PI16: variants seen among roughly 807,000 people sequenced by gnomAD.
The protein encoded by PI16 is peptidase inhibitor 16.
A neutral mutation model predicts 38.0 loss-of-function variants in PI16; 35 were observed. That is an observed-to-expected ratio of 0.92 (90% CI 0.70 to 1.22). PI16 has a LOEUF of 1.22. Among genes scored for constraint, PI16 ranks in the 50% most tolerant of loss-of-function variants. The pLI is 0.00. For synonymous variants in PI16, 275 were observed against 252.9 expected (o/e 1.09, Z -0.83); for missense variants, 572 against 593.8 (o/e 0.96, Z 0.38).
intron 3 of PI16, 77 bp downstream of exon 3, chr6:36,961,637 C>T (rs1253564305): frequency 3.0e-6 from 4 of 1,355,614 alleles, no homozygotes; most frequent in Non-Finnish European, 4.2e-6. Flanking sequence ...GAGTCGGCCA[C>T]AGCCTGAGGG....
rs976357703 is a variant in PI16 at position 36,962,353 on chromosome 6, G to C, written c.592+379G>C. On this transcript the variant is annotated intron_variant, in intron 4 of 6. Coordinates refer to ENST00000373674, the MANE Select transcript of PI16 (RefSeq NM_153370.3). This position sits in a 1 kb window ranked among gnomAD's most constrained non-coding sequence, Gnocchi z 4.1. ...TTGCTGGGGGCGTGTGAGGGACCGC[G>C]ATCCCGCTGGAGAAGTCCCCTGAAA... Among the ~76,000 whole-genome samples, 1 of 152,244 alleles carries C rather than the reference G, an allele frequency of 6.6e-6. No individual in the cohort carries two copies. Among genetic ancestry groups the C allele is most frequent in the Non-Finnish European group, 1.5e-5 (1 of 68,044 alleles).
At chr6:36,961,737 C>T (rs1763371108) in intron 3 of PI16, 149 bp from the exon 4 acceptor site, 1 of 884,050 alleles carries the variant, frequency 1.1e-6, no homozygotes, top group Non-Finnish European at 1.8e-6. Context: ...CCAGAGAGGG[C>T]CAGGAGGAGC....
upstream of PI16, among the ~76,000 whole-genome samples, chr6:36,950,516 C>A (rs1010738883): frequency 6.6e-6 from 1 of 151,376 alleles, no homozygotes; most frequent in Non-Finnish European, 1.5e-5. The surrounding 1 kb of genome is among the most constrained non-coding windows in gnomAD (Gnocchi z 4.2). Context: ...CTATCAACAC[C>A]GGTGTACAAA....
intron 2 of PI16, among the ~76,000 whole-genome samples, chr6:36,959,971 A>G (rs1763314958): frequency 6.6e-6 from 1 of 152,136 alleles, no homozygotes; most frequent in Middle Eastern, 3.4e-3. Context: ...GACCATGGTT[A>G]TTGTCCTAGG....
intron 1 of PI16, among the ~76,000 whole-genome samples, chr6:36,956,892 C>T (rs1763221667): frequency 6.6e-6 from 1 of 152,162 alleles, no homozygotes; most frequent in African/African-American, 2.4e-5. Flanking sequence ...TCTCTCTCAG[C>T]CTCCAGAGCT....
chr6:36,958,767 T>C (rs1455865395), intron 1 of PI16, among the ~76,000 whole-genome samples: 1 of 152,150 alleles, frequency 6.6e-6, no homozygotes, highest in African/African-American at 2.4e-5. Context: ...CGTGATCTTG[T>C]GCTCTTCAGA....
intron 1 of PI16, among the ~76,000 whole-genome samples, chr6:36,957,800 G>C (rs1410095058): frequency 6.6e-6 from 1 of 152,206 alleles, no homozygotes; most frequent in Non-Finnish European, 1.5e-5. Flanking sequence ...TATCTGTTGA[G>C]CACCTACTAT....
Position 36,962,091 on chromosome 6 carries a change from G to C in PI16, c.592+117G>C. The C allele has an allele frequency of 1.3e-6, 1 of 780,692 alleles. No individual in the cohort carries two copies. Among genetic ancestry groups the C allele is most frequent in the Non-Finnish European group, 2.1e-6 (1 of 474,970 alleles). 48.4% of individuals were successfully genotyped at this position (780,692 alleles called of 1,614,324 possible). A position where few individuals can be genotyped will look rare whatever the true frequency, so the allele number is the denominator to read the frequency against. On this transcript the variant is annotated intron_variant, in intron 4 of 6. Coordinates refer to ENST00000373674, the MANE Select transcript of PI16 (RefSeq NM_153370.3). This position sits in a 1 kb window ranked among gnomAD's most constrained non-coding sequence, Gnocchi z 4.1. ...ACGTGGGCAGGGAAGGAGCCTGGTG[G>C]GATGCGACCACCGGGGGCCCCTGGC...
At position 36,961,888 on chromosome 6, in the gene PI16, G is replaced by T. The variant is rs751721406; in HGVS notation, c.506G>T (p.Gly169Val). 9.3e-6 allele frequency: 15 copies of T among 1,613,732 alleles called. No individual in the cohort carries two copies. The highest frequency in any genetic ancestry group is 1.2e-5 in the Non-Finnish European group (14 of 1,179,788). ...AGCATCCTCCTGACCTCCTGTAGGG[G>T]GAACGTGAAGGGGAAACGGCCCTAC... ...ELLVCNYEPP[G>V]NVKGKRPYQE... The change falls in exon 4 of 7, where the codon GGG becomes GTG. Residue 169 changes from glycine (G) to valine (V), a missense_variant and splice_region_variant. By Grantham distance (109) the Gly-to-Val change is moderately radical. Transcript: ENST00000373674.
intron 1 of PI16, among the ~76,000 whole-genome samples, chr6:36,949,298 T>C (rs1763064504): frequency 6.6e-6 from 1 of 152,106 alleles, no homozygotes; most frequent in African/African-American, 2.4e-5. Context: ...ATTTTTGTAT[T>C]TTTTGTGAAG....
At chr6:36,961,329 T>TG in intron 2 of PI16, 122 bp from the exon 3 acceptor site, 1 of 800,842 alleles carries the variant, frequency 1.2e-6, no homozygotes. Context: ...CTTGGGGACG[T>TG]GGATGTCACA....
upstream of PI16, among the ~76,000 whole-genome samples, chr6:36,950,875 C>T (rs1763089089): frequency 6.6e-6 from 1 of 152,148 alleles, no homozygotes; most frequent in Non-Finnish European, 1.5e-5. This position sits in a 1 kb window ranked among gnomAD's most constrained non-coding sequence, Gnocchi z 4.2. Flanking sequence ...CGCGTATATA[C>T]CCAGAAGTGA....
intron 1 of PI16, among the ~76,000 whole-genome samples, chr6:36,948,819 G>T (rs1321082217): frequency 1.5e-5 from 2 of 135,416 alleles, no homozygotes; most frequent in African/African-American, 5.4e-5. Flanking sequence ...TTTTGAAACA[G>T]AGTCTCACTC....
intron 1 of PI16, among the ~76,000 whole-genome samples, chr6:36,948,563 G>T (rs1763047096): frequency 6.6e-6 from 1 of 150,542 alleles, no homozygotes; most frequent in Admixed American, 6.6e-5. Context: ...CTTCCAAAGT[G>T]CTGGGATTAC....
intron 1 of PI16, among the ~76,000 whole-genome samples, chr6:36,957,317 A>T (rs1763233744): frequency 6.6e-6 from 1 of 152,046 alleles, no homozygotes; most frequent in Non-Finnish European, 1.5e-5. Context: ...GTACCTTCTG[A>T]TTAGGATGCC....
chr6:36,956,254 G>A (rs1184342903), intron 1 of PI16, among the ~76,000 whole-genome samples: 1 of 152,188 alleles, frequency 6.6e-6, no homozygotes, highest in East Asian at 1.9e-4. Flanking sequence ...AGGAAAGGTG[G>A]ACAACAAACC....
rs1389626193 is a variant in PI16, at chr6:36,963,545, C to T, written c.1203C>T (p.Phe401=). Residue 401 remains phenylalanine (F), a synonymous_variant, in exon 5 of 7, where the codon TTC becomes TTT. Transcript: ENST00000373674. ...CCTCCTCCAAGTCCCTGCCCAATTT[C>T]CCCAATACCTCTGCCACCGCTAATG... ...GHTSSKSLPN[F]PNTSATANAT... The T allele has an allele frequency of 1.2e-6, 2 of 1,614,096 alleles. No homozygotes were observed. The highest frequency in any genetic ancestry group is 1.7e-5 in the Admixed American group (1 of 60,012).
At chr6:36,963,658 G>A in intron 5 of PI16, 46 bp downstream of exon 5, 2 of 1,590,156 alleles carry the variant, frequency 1.3e-6, no homozygotes, top group Non-Finnish European at 1.7e-6. Context: ...GCTCTGGAAT[G>A]TCAGTATCCT....
At chr6:36,961,755 C>T (rs1360048934) in intron 3 of PI16, 131 bp from the exon 4 acceptor site, 11 of 940,674 alleles carry the variant, frequency 1.2e-5, no homozygotes, top group East Asian at 7.5e-5. Context: ...AGCCCAAGTT[C>T]GCCCAGCAAG....
Sources: gnomAD v4.1 joint callset for allele counts (sites outside exome capture counted in the v4.1 genomes callset) on GRCh38, gnomAD v4.1.1 for gene constraint, Gnocchi (gnomAD v3.1) non-coding constraint, MANE v1.5 for transcripts, NCBI Gene and HGNC (gene_info 2026-07-23, HGNC 2026-07-21) for gene names.